SERPINB8: variants seen among roughly 807,000 people sequenced by gnomAD.
The protein encoded by SERPINB8 is serpin B8.
In SERPINB8, 25 loss-of-function variants were observed where a neutral mutation model predicts 35.3. That is an observed-to-expected ratio of 0.71 (90% CI 0.52 to 0.99). The LOEUF is 0.99. Ranked by LOEUF, SERPINB8 falls within the 50% of genes least tolerant of loss-of-function variation. The pLI, the probability that SERPINB8 is intolerant of heterozygous loss-of-function variation, is 0.00. For missense variants in SERPINB8, 484 were observed against 446.5 expected (o/e 1.08, Z -0.76); for synonymous variants, 186 against 160.8 (o/e 1.16, Z -1.19).
intron 1 of SERPINB8, among the ~76,000 whole-genome samples, chr18:63,974,082 C>T (rs1396198373): frequency 6.6e-6 from 1 of 152,132 alleles, no homozygotes; most frequent in African/African-American, 2.4e-5. Flanking sequence ...TTGGCCTGCC[C>T]AGCTTTTAAA....
intron 1 of SERPINB8, among the ~76,000 whole-genome samples, chr18:64,001,500 T>TTTATTTAC (rs1353053862): frequency 4.6e-5 from 7 of 151,362 alleles, no homozygotes; most frequent in African/African-American, 1.2e-4. Flanking sequence ...TATTTATTTA[T>TTTATTTAC]TTACTTAGAG....
intron 1 of SERPINB8, among the ~76,000 whole-genome samples, chr18:63,970,953 G>T (rs2050465847): frequency 6.6e-6 from 1 of 152,110 alleles, no homozygotes; most frequent in South Asian, 2.1e-4. Flanking sequence ...TCACTTTCCA[G>T]ACACTCTCAG....
chr18:64,014,083 G>A (rs2050938509), intron 7 of SERPINB8, among the ~76,000 whole-genome samples: 1 of 152,086 alleles, frequency 6.6e-6, no homozygotes, highest in Admixed American at 6.6e-5. Context: ...AATAAAAGGA[G>A]GCAAAAATAG....
In SERPINB8 at chr18:63,987,274, C is replaced by T. The variant is rs180765875; in HGVS notation, c.1121C>T (p.Pro374Leu). The T allele has an allele frequency of 2.1e-5, 33 of 1,609,344 alleles. No individual in the cohort carries two copies. Among genetic ancestry groups the T allele is most frequent in the African/African-American group, 4.0e-5 (3 of 74,852 alleles). Residue 374 changes from proline (P) to leucine (L), a missense_variant, in exon 7 of 7, where the codon CCG (proline) becomes CTG (leucine). By Grantham distance (98) the Pro-to-Leu change is moderately conservative (BLOSUM62 -3). Coordinates refer to ENST00000397985, the MANE Select transcript of SERPINB8 (RefSeq NM_002640.4). ...TTGTTCTGTGGCAGGTTCTCTTCTC[C>T]GTAAAGAGGAGCAATTGCTGTACAT... is the stretch of plus-strand genomic sequence containing the variant. ...CILFCGRFSS[P>L]
intron 5 of SERPINB8, among the ~76,000 whole-genome samples, 181 bp downstream of exon 5, chr18:63,983,902 A>G (rs903847548): frequency 1.3e-5 from 2 of 152,106 alleles, no homozygotes; most frequent in African/African-American, 4.8e-5. Context: ...GCTGGAGTGC[A>G]GTGGTGTAAT....
chr18:63,979,689 T>C (rs1342461935), intron 2 of SERPINB8, 112 bp from the exon 3 acceptor site: 3 of 1,352,956 alleles, frequency 2.2e-6, no homozygotes, highest in Admixed American at 4.0e-5. Flanking sequence ...AGGCCAAACC[T>C]TTTTAAAGTA....
chr18:64,014,374 T>C (rs1392749105), intron 7 of SERPINB8, among the ~76,000 whole-genome samples: 1 of 152,174 alleles, frequency 6.6e-6, no homozygotes, highest in African/African-American at 2.4e-5. Flanking sequence ...GGTTCCATTT[T>C]GAACCTGTTA....
At chr18:63,983,006 TGAG>T (rs1022922628) in intron 4 of SERPINB8, among the ~76,000 whole-genome samples, 1 of 152,090 alleles carries the variant, frequency 6.6e-6, no homozygotes, top group African/African-American at 2.4e-5. Flanking sequence ...CCTTGTCTGA[TGAG>T]GTTTGAATAT....
At chr18:64,011,318 A>G (rs1396062699) in intron 7 of SERPINB8, among the ~76,000 whole-genome samples, 3 of 152,104 alleles carry the variant, frequency 2.0e-5, no homozygotes, top group Non-Finnish European at 4.4e-5. Flanking sequence ...AAAAAAGTAG[A>G]CTTCAATGAA....
Position 63,987,441 on chromosome 18 carries a change from T to C in SERPINB8, c.*163T>C, listed in dbSNP as rs1345720388. The C allele has an allele frequency of 2.1e-5, 16 of 752,522 alleles. No individual in the cohort carries two copies. Among genetic ancestry groups the C allele is most frequent in the Middle Eastern group, 3.8e-4 (1 of 2,632 alleles). 46.6% of individuals were successfully genotyped at this position (752,522 alleles called of 1,614,324 possible). On this transcript the variant is annotated 3_prime_UTR_variant, in exon 7 of 7. Coordinates refer to ENST00000397985, the MANE Select transcript of SERPINB8 (RefSeq NM_002640.4). ...CTGAAAGTTCCAGAGCCATTGAGAA[T>C]AACTGAGGCCGCAGATGCATGAAAT... is the stretch of plus-strand genomic sequence containing the variant.
chr18:64,017,944 T>C (rs913012386), intron 7 of SERPINB8, among the ~76,000 whole-genome samples: 1 of 152,246 alleles, frequency 6.6e-6, no homozygotes, highest in Non-Finnish European at 1.5e-5. Flanking sequence ...AACTCCACCC[T>C]ATTTAGAGCT....
intron 1 of SERPINB8, among the ~76,000 whole-genome samples, chr18:63,974,315 A>C (rs1031237858): frequency 6.6e-6 from 1 of 152,320 alleles, no homozygotes; most frequent in South Asian, 2.1e-4. Context: ...TTCTCCTCCC[A>C]AAACAGGTAG....
chr18:63,972,637 A>G (rs964967335), intron 1 of SERPINB8, among the ~76,000 whole-genome samples: 1 of 148,668 alleles, frequency 6.7e-6, no homozygotes, highest in African/African-American at 2.5e-5. Context: ...TTCCTCTCAC[A>G]TCCCCCCCGC....
At chr18:64,019,657 A>G (rs530294495) in exon 8 of SERPINB8, 1 of 152,110 alleles carries the variant, frequency 6.6e-6, no homozygotes, top group South Asian at 2.1e-4. Context: ...TGATCTACCC[A>G]GTAAGTGGTC....
downstream of SERPINB8, among the ~76,000 whole-genome samples, chr18:64,008,829 C>T (rs773488050): frequency 3.3e-5 from 5 of 152,086 alleles, no homozygotes; most frequent in Non-Finnish European, 7.4e-5. Context: ...GGTTCAAACT[C>T]CAGTCTTGCA....
At chr18:64,016,825 T>A (rs2050952601) in intron 7 of SERPINB8, among the ~76,000 whole-genome samples, 2 of 152,198 alleles carry the variant, frequency 1.3e-5, no homozygotes, top group Admixed American at 1.3e-4. Flanking sequence ...AATCCCTCAT[T>A]TTCCATGATA....
Position 63,979,933 on chromosome 18 carries a change from C to T in SERPINB8, c.301C>T (p.Leu101Phe). Residue 101 changes from leucine (L) to phenylalanine (F), a missense_variant, in exon 3 of 7, where the codon CTT becomes TTT. Leu to Phe is a conservative substitution (Grantham distance 22). Coordinates refer to ENST00000397985, the MANE Select transcript of SERPINB8 (RefSeq NM_002640.4). The stretch of plus-strand genomic sequence containing the variant: ...CTTTGGAGAAAAGACGTGTGATTTC[C>T]TTCCAGTAAGTAGTATTCACATATT... Reference protein sequence around the residue: ...RLFGEKTCDFLPDFKEYCQKF... With the variant: ...RLFGEKTCDFFPDFKEYCQKF... The T allele has an allele frequency of 6.2e-7, 1 of 1,613,946 alleles. No individual in the cohort carries two copies. Among genetic ancestry groups the T allele is most frequent in the Non-Finnish European group, 8.5e-7 (1 of 1,179,890 alleles).
At chr18:63,997,432 C>G (rs1038607925) in intron 1 of SERPINB8, among the ~76,000 whole-genome samples, 1 of 152,212 alleles carries the variant, frequency 6.6e-6, no homozygotes, top group African/African-American at 2.4e-5. Context: ...CCCTCCCAGG[C>G]ATGTCGTCCA....
intron 1 of SERPINB8, among the ~76,000 whole-genome samples, chr18:64,001,405 C>T (rs956044881): frequency 1.3e-5 from 2 of 152,136 alleles, no homozygotes; most frequent in African/African-American, 2.4e-5. Flanking sequence ...GAGTGGGGAC[C>T]TAAGGCACTA....
Sources: allele counts gnomAD v4.1 joint callset (sites outside exome capture counted in the v4.1 genomes callset), GRCh38; gene constraint gnomAD v4.1.1; transcripts MANE v1.5; gene names NCBI Gene and HGNC (gene_info 2026-07-23, HGNC 2026-07-21).